Variants in ZNF804B observed in about 807,000 individuals in gnomAD.
ZNF804B encodes zinc finger 804B.
Under a neutral mutation model 101.4 loss-of-function variants are expected in ZNF804B, and 80 were observed. The observed-to-expected ratio is 0.79, with a 90% confidence interval of 0.66 to 0.95. ZNF804B has a LOEUF of 0.95. ZNF804B is among the 40% of genes least tolerant of loss of function. The probability of loss-of-function intolerance (pLI) is 0.00; values close to 1 mark genes in which losing one functional copy is unlikely to be tolerated. For missense variants in ZNF804B, 1,673 were observed against 1,561.9 expected, an observed-to-expected ratio of 1.07 and a Z score of -1.20; for synonymous variants, 622 against 558.8, an observed-to-expected ratio of 1.11 and a Z score of -1.59.
intron 1 of ZNF804B, among the ~76,000 whole-genome samples, chr7:88,942,529 TG>T (rs367914173): frequency 0.33 from 49,959 of 149,854 alleles, 8,595 homozygotes; most frequent in Non-Finnish European, 0.38. Context: ...TGTGTGTGTG[TG>T]TTTTGCATTG....
At chr7:88,890,428 A>G (rs756006942) in intron 1 of ZNF804B, among the ~76,000 whole-genome samples, 3 of 152,210 alleles carry the variant, frequency 2.0e-5, no homozygotes, top group Non-Finnish European at 2.9e-5. Context: ...TGGTAAGACC[A>G]TGTTCAGCTT....
At chr7:89,015,429 G>A (rs1483389173) in intron 1 of ZNF804B, among the ~76,000 whole-genome samples, 3 of 151,742 alleles carry the variant, frequency 2.0e-5, no homozygotes, top group African/African-American at 7.3e-5. Context: ...CTGGTGTGCT[G>A]CACCCATTAA....
At chr7:88,944,460 C>A (rs758760892) in intron 1 of ZNF804B, among the ~76,000 whole-genome samples, 5 of 151,074 alleles carry the variant, frequency 3.3e-5, no homozygotes, top group Non-Finnish European at 7.4e-5. Context: ...TATTGAGTTG[C>A]AAGGTTAATA....
At chr7:89,080,313 C>T (rs150426100) in intron 1 of ZNF804B, among the ~76,000 whole-genome samples, 153 of 151,360 alleles carry the variant, frequency 1.0e-3, no homozygotes, top group African/African-American at 3.6e-3. Flanking sequence ...AAAAGTATAT[C>T]ATTTGCTCAT....
intron 1 of ZNF804B, among the ~76,000 whole-genome samples, chr7:88,814,744 G>T (rs772091010): frequency 1.3e-5 from 2 of 151,834 alleles, no homozygotes; most frequent in Admixed American, 6.6e-5. Flanking sequence ...AGCAAAATTT[G>T]ATAATATTAA....
At chr7:89,063,783 C>A (rs769222086) in intron 1 of ZNF804B, among the ~76,000 whole-genome samples, 2 of 152,122 alleles carry the variant, frequency 1.3e-5, no homozygotes, top group Non-Finnish European at 2.9e-5. Context: ...TCAGTAAACA[C>A]GTACTAAGTA....
At chr7:89,091,843 T>C (rs1323109929) in intron 1 of ZNF804B, among the ~76,000 whole-genome samples, 1 of 152,200 alleles carries the variant, frequency 6.6e-6, no homozygotes, top group East Asian at 1.9e-4. Flanking sequence ...TCCATCAACA[T>C]GTGCCTATTC....
At chr7:89,088,981 TC>T (rs1789845315) in intron 1 of ZNF804B, among the ~76,000 whole-genome samples, 1 of 151,738 alleles carries the variant, frequency 6.6e-6, no homozygotes, top group Non-Finnish European at 1.5e-5. Flanking sequence ...CTTGCCACAT[TC>T]CCCTTTGCTC....
chr7:88,971,822 A>T (rs1793541776), intron 1 of ZNF804B, among the ~76,000 whole-genome samples: 1 of 151,568 alleles, frequency 6.6e-6, no homozygotes, highest in African/African-American at 2.4e-5. Context: ...CAGAATGTGC[A>T]TTCACTCTGT....
At chr7:89,327,885 G>A (rs1055140906) in intron 3 of ZNF804B, among the ~76,000 whole-genome samples, 15 of 151,880 alleles carry the variant, frequency 9.9e-5, no homozygotes, top group East Asian at 1.9e-4. Context: ...CAAATAACAC[G>A]ATCATTGTCT....
chr7:88,917,670 C>A (rs1363939030), intron 1 of ZNF804B, among the ~76,000 whole-genome samples: 1 of 152,018 alleles, frequency 6.6e-6, no homozygotes, highest in Non-Finnish European at 1.5e-5. Flanking sequence ...GGGAATTTTG[C>A]AAATTACATC....
At chr7:89,146,715 TTAAGA>T (rs1431823795) in intron 1 of ZNF804B, among the ~76,000 whole-genome samples, 1 of 151,926 alleles carries the variant, frequency 6.6e-6, no homozygotes. Context: ...GTAAATTAAA[TTAAGA>T]TATTAAAAAT....
At chr7:88,926,633 T>C (rs1792804792) in intron 1 of ZNF804B, among the ~76,000 whole-genome samples, 1 of 151,732 alleles carries the variant, frequency 6.6e-6, no homozygotes, top group African/African-American at 2.4e-5. Context: ...ATACATAAAT[T>C]AATTAATTAA....
intron 1 of ZNF804B, among the ~76,000 whole-genome samples, chr7:89,162,638 G>C (rs975752319): frequency 9.7e-5 from 14 of 144,656 alleles, no homozygotes; most frequent in Non-Finnish European, 1.4e-4. Flanking sequence ...ATATTTATGG[G>C]CTTTAAATAT....
intron 1 of ZNF804B, among the ~76,000 whole-genome samples, chr7:89,071,723 T>C (rs1302574443): frequency 6.6e-6 from 1 of 152,024 alleles, no homozygotes; most frequent in Non-Finnish European, 1.5e-5. Context: ...AGCAGAAATA[T>C]TTGAAATTTT....
chr7:89,278,384 G>T (rs1360009673), intron 2 of ZNF804B, among the ~76,000 whole-genome samples: 1 of 150,864 alleles, frequency 6.6e-6, no homozygotes, highest in East Asian at 1.9e-4. Flanking sequence ...TTTGGCTTTT[G>T]TTGCCATTGC....
At chr7:89,119,006 A>G (rs1790359115) in intron 1 of ZNF804B, among the ~76,000 whole-genome samples, 1 of 152,136 alleles carries the variant, frequency 6.6e-6, no homozygotes, top group Non-Finnish European at 1.5e-5. Flanking sequence ...GATTTTTTTC[A>G]TCATATATAC....
At chr7:88,785,527 A>G (rs1586901484) in intron 1 of ZNF804B, among the ~76,000 whole-genome samples, 1 of 152,070 alleles carries the variant, frequency 6.6e-6, no homozygotes, top group Non-Finnish European at 1.5e-5. Flanking sequence ...ATAACTAACC[A>G]TAGTATTTCT....
At chr7:88,819,658 A>G (rs933083240) in intron 1 of ZNF804B, among the ~76,000 whole-genome samples, 1 of 152,198 alleles carries the variant, frequency 6.6e-6, no homozygotes, top group Non-Finnish European at 1.5e-5. Context: ...TTAAAAATCC[A>G]CAAATAAAAT....
Sources: gnomAD v4.1 joint callset for allele counts (sites outside exome capture counted in the v4.1 genomes callset) on GRCh38, gnomAD v4.1.1 for gene constraint, MANE v1.5 for transcripts, NCBI Gene and HGNC (gene_info 2026-07-23, HGNC 2026-07-21) for gene names.